The following PIEZO2 variants were observed in gnomAD, a reference collection of about 807,000 sequenced individuals.
PIEZO2 encodes piezo-type mechanosensitive ion channel component 2.
In PIEZO2, 172 loss-of-function variants were observed where a neutral mutation model predicts 337.3. The observed-to-expected ratio is 0.51, with a 90% CI of 0.45 to 0.58. The LOEUF (loss-of-function observed/expected upper bound fraction) is 0.58. Among genes scored for constraint, PIEZO2 ranks in the 20% least tolerant of loss-of-function variants. PIEZO2 has a pLI of 0.00. For missense variants in PIEZO2, 3,028 were observed against 3,391.3 expected (o/e 0.89, Z 2.66); for synonymous variants, 1,251 against 1,228.5 (o/e 1.02, Z -0.38).
At chr18:10,674,724 T>G (rs1279889227) in intron 54 of PIEZO2, among the ~76,000 whole-genome samples, 1 of 152,256 alleles carries the variant, frequency 6.6e-6, no homozygotes, top group African/African-American at 2.4e-5. Flanking sequence ...TCTTGATAAT[T>G]AATAGAATCC....
chr18:10,879,562 A>G (rs981675314), intron 4 of PIEZO2, among the ~76,000 whole-genome samples: 9 of 151,824 alleles, frequency 5.9e-5, no homozygotes, highest in Non-Finnish European at 1.2e-4. Flanking sequence ...CGCCTGGCTA[A>G]TTTTTTGTAT....
chr18:10,823,927 T>A (rs1485779), intron 7 of PIEZO2, among the ~76,000 whole-genome samples: 32,751 of 152,116 alleles, frequency 0.22, 4,011 homozygotes, highest in African/African-American at 0.34. Context: ...TAAGAAAAAG[T>A]AATTAAAACT....
At chr18:10,998,911 GAACT>G (rs2035435633) in intron 2 of PIEZO2, among the ~76,000 whole-genome samples, 1 of 149,744 alleles carries the variant, frequency 6.7e-6, no homozygotes, top group Admixed American at 6.7e-5. Flanking sequence ...TTCCAGTCAG[GAACT>G]GGGATTTAAA....
intron 4 of PIEZO2, among the ~76,000 whole-genome samples, chr18:10,880,825 T>C (rs1460085027): frequency 1.5e-5 from 2 of 130,132 alleles, no homozygotes; most frequent in Admixed American, 1.6e-4. Flanking sequence ...CTGATTTCCA[T>C]TTCAACTGCT....
In PIEZO2 at chr18:10,775,701, T is replaced by G. The variant is rs902055656; in HGVS notation, c.2535-1663A>C. On this transcript the variant is annotated intron_variant, in intron 18 of 55. Transcript: ENST00000674853. This position sits in a 1 kb window ranked among gnomAD's most constrained non-coding sequence, Gnocchi z 4.3. ...GGTGCATTGAGGAGAGATCGTTCAA[T>G]GAAAGAATCAGAGGAAGACACTGGA... 1.4e-4 allele frequency among the ~76,000 whole-genome samples: 21 copies of G among 152,178 alleles called. No homozygotes were observed. The highest frequency in any genetic ancestry group is 5.1e-4 in the African/African-American group (21 of 41,440).
At position 10,682,299 on chromosome 18, in the gene PIEZO2, C is replaced by T; in HGVS notation, c.7498-7G>A. 6.5e-7 allele frequency: 1 copy of T among 1,531,740 alleles called. No individual in the cohort carries two copies. The highest frequency in any genetic ancestry group is 2.0e-5 in the Admixed American group (1 of 50,770). The allele number at this position is 1,531,740 out of a possible 1,614,324, so 94.9% of individuals were successfully genotyped here. ...CCCGTGGCTGAGGGTATCTCTGCAA[C>T]AGAGAGTTCAGACAAGGCTCAGGCT... On this transcript the variant is annotated splice_polypyrimidine_tract_variant and splice_region_variant and intron_variant, in intron 49 of 55. Coordinates refer to ENST00000674853, the MANE Select transcript of PIEZO2 (RefSeq NM_001378183.1). The surrounding 1 kb of genome is among the most constrained non-coding windows in gnomAD (Gnocchi z 5.6).
intron 12 of PIEZO2, among the ~76,000 whole-genome samples, chr18:10,796,566 C>A (rs942329155): frequency 2.0e-5 from 3 of 152,164 alleles, no homozygotes; most frequent in Admixed American, 6.5e-5. Context: ...ACTTGACAAG[C>A]TAATTTGGAA....
chr18:10,885,448 G>T (rs1208218457), intron 4 of PIEZO2, among the ~76,000 whole-genome samples: 2 of 151,922 alleles, frequency 1.3e-5, no homozygotes, highest in African/African-American at 4.8e-5. Flanking sequence ...AAATAAAAAG[G>T]GAATAAAACA....
chr18:10,835,547 C>CTTTTTT (rs58831248), intron 7 of PIEZO2, among the ~76,000 whole-genome samples: 1 of 146,340 alleles, frequency 6.8e-6, no homozygotes, highest in African/African-American at 2.5e-5. Flanking sequence ...TAACCAAGTT[C>CTTTTTT]TTTTTTTTTT....
chr18:11,042,279 C>T (rs1280681830), intron 2 of PIEZO2, among the ~76,000 whole-genome samples: 1 of 152,200 alleles, frequency 6.6e-6, no homozygotes, highest in African/African-American at 2.4e-5. Context: ...AGGAGGAGGG[C>T]TGCTATGAGG....
intron 32 of PIEZO2, among the ~76,000 whole-genome samples, chr18:10,741,881 C>T (rs1045783923): frequency 2.6e-5 from 4 of 152,016 alleles, no homozygotes; most frequent in South Asian, 4.2e-4. Context: ...GGGCTGGGCT[C>T]GGTGGCTCAC....
At chr18:11,119,170 C>CA (rs68186725) in intron 1 of PIEZO2, among the ~76,000 whole-genome samples, 23,248 of 137,796 alleles carry the variant, frequency 0.17, 2,310 homozygotes, top group Non-Finnish European at 0.22. Context: ...TTTTTTGAGA[C>CA]AGAGTCTTGC....
chr18:10,822,639 G>C (rs185597215), intron 7 of PIEZO2, among the ~76,000 whole-genome samples: 311 of 152,268 alleles, frequency 2.0e-3, no homozygotes, highest in African/African-American at 7.2e-3. Context: ...CTCATAGGTC[G>C]GGAAGGAGTG....
chr18:10,836,987 G>T (rs2041035526), intron 7 of PIEZO2, among the ~76,000 whole-genome samples: 2 of 152,172 alleles, frequency 1.3e-5, no homozygotes, highest in South Asian at 2.1e-4. Flanking sequence ...GGCCACTGAG[G>T]ATACTCACAA....
intron 29 of PIEZO2, among the ~76,000 whole-genome samples, chr18:10,749,707 G>A (rs1446905545): frequency 1.3e-5 from 2 of 152,164 alleles, no homozygotes; most frequent in African/African-American, 2.4e-5. Context: ...CCTGAGGACA[G>A]GAGGAGCCTG....
chr18:11,134,388 C>T (rs1305275628), intron 1 of PIEZO2, among the ~76,000 whole-genome samples: 2 of 152,136 alleles, frequency 1.3e-5, no homozygotes, highest in Non-Finnish European at 2.9e-5. Flanking sequence ...AAACCAAAGT[C>T]CACAAGCACA....
At position 10,775,385 on chromosome 18, in the gene PIEZO2, G is replaced by A. The variant is rs187636923; in HGVS notation, c.2535-1347C>T. ...GGAAGTGATCGGCTGCTGCACAGTC[G>A]TCAGTATGTATTTGTTCTCTTCAGG... On this transcript the variant is annotated intron_variant, in intron 18 of 55. Coordinates refer to ENST00000674853, the MANE Select transcript of PIEZO2 (RefSeq NM_001378183.1). This position sits in a 1 kb window ranked among gnomAD's most constrained non-coding sequence, Gnocchi z 4.3. 1.6e-4 allele frequency among the ~76,000 whole-genome samples: 25 copies of A among 152,194 alleles called. No homozygotes were observed. The highest frequency in any genetic ancestry group is 5.8e-4 in the African/African-American group (24 of 41,520).
At chr18:10,998,498 G>A (rs889497258) in intron 2 of PIEZO2, among the ~76,000 whole-genome samples, 9 of 151,994 alleles carry the variant, frequency 5.9e-5, no homozygotes, top group East Asian at 1.9e-4. Context: ...TGTTGCCCAC[G>A]TGTTTTAACT....
intron 2 of PIEZO2, among the ~76,000 whole-genome samples, chr18:11,030,294 A>G (rs1213413591): frequency 6.6e-6 from 1 of 152,244 alleles, no homozygotes; most frequent in Non-Finnish European, 1.5e-5. Flanking sequence ...ATGTTTTGTA[A>G]TTTAAAAAAT....
Sources: gnomAD v4.1 joint callset for allele counts (sites outside exome capture counted in the v4.1 genomes callset) on GRCh38, gnomAD v4.1.1 for gene constraint, Gnocchi (gnomAD v3.1) non-coding constraint, MANE v1.5 for transcripts, NCBI Gene and HGNC (gene_info 2026-07-23, HGNC 2026-07-21) for gene names.